Variants in SGCZ observed in about 807,000 individuals in gnomAD.
SGCZ encodes the protein zeta-sarcoglycan.
Under a neutral mutation model 41.3 loss-of-function variants are expected in SGCZ, and 40 were observed. That is an observed-to-expected ratio of 0.97 (90% CI 0.75 to 1.26). The LOEUF is 1.26. Ranked by LOEUF, SGCZ falls within the 50% of genes most tolerant of loss-of-function variation. The probability of loss-of-function intolerance (pLI) is 0.00; values close to 1 mark genes in which losing one functional copy is unlikely to be tolerated. For missense variants in SGCZ, 552 were observed against 369.8 expected (o/e 1.49, Z -4.04); for synonymous variants, 206 against 137.5 (o/e 1.50, Z -3.49).
chr8:14,101,704 C>CTCTT (rs1371962099), intron 7 of SGCZ, among the ~76,000 whole-genome samples: 1 of 150,952 alleles, frequency 6.6e-6, no homozygotes, highest in Non-Finnish European at 1.5e-5. Flanking sequence ...AATAAAGGCA[C>CTCTT]TCTTTCTATG....
chr8:14,391,400 T>G (rs1292407717), intron 2 of SGCZ, among the ~76,000 whole-genome samples: 1 of 152,138 alleles, frequency 6.6e-6, no homozygotes, highest in African/African-American at 2.4e-5. Context: ...TTGTTAAGAC[T>G]TTGGTCTATG....
intron 1 of SGCZ, among the ~76,000 whole-genome samples, chr8:14,574,627 C>A (rs574182523): frequency 1.0e-3 from 155 of 152,236 alleles, no homozygotes; most frequent in Non-Finnish European, 1.7e-3. Context: ...CTTTATTGAA[C>A]CTAAGAATAA....
intron 1 of SGCZ, among the ~76,000 whole-genome samples, chr8:14,749,488 C>T (rs1043344872): frequency 6.6e-6 from 1 of 152,094 alleles, no homozygotes; most frequent in Non-Finnish European, 1.5e-5. Flanking sequence ...TCTAGGATTC[C>T]TGTTAGCAGA....
At chr8:14,897,386 A>C (rs140136699) in intron 1 of SGCZ, among the ~76,000 whole-genome samples, 1 of 152,198 alleles carries the variant, frequency 6.6e-6, no homozygotes, top group African/African-American at 2.4e-5. Context: ...TGAGTATCCC[A>C]CTAGGATGGC....
intron 1 of SGCZ, among the ~76,000 whole-genome samples, chr8:15,141,969 A>T (rs1409916845): frequency 6.6e-6 from 1 of 152,146 alleles, no homozygotes; most frequent in East Asian, 1.9e-4. Context: ...AGGAGCCTGT[A>T]GCAGTGGAAG....
chr8:14,929,756 T>C (rs573056106), intron 1 of SGCZ, among the ~76,000 whole-genome samples: 7 of 152,140 alleles, frequency 4.6e-5, no homozygotes, highest in African/African-American at 1.7e-4. Flanking sequence ...GGGTAATTAA[T>C]GTCTTTATTG....
At chr8:14,747,934 C>G (rs1270018154) in intron 1 of SGCZ, among the ~76,000 whole-genome samples, 1 of 149,856 alleles carries the variant, frequency 6.7e-6, no homozygotes, top group African/African-American at 2.5e-5. Flanking sequence ...CCATGTTGGC[C>G]AGGCTAGTCT....
chr8:14,245,921 G>T (rs920945796), intron 3 of SGCZ, among the ~76,000 whole-genome samples: 28 of 152,266 alleles, frequency 1.8e-4, no homozygotes, highest in African/African-American at 6.5e-4. Context: ...CAGTTAGAAT[G>T]GCAATCATTA....
intron 1 of SGCZ, among the ~76,000 whole-genome samples, chr8:14,927,356 G>A (rs931604503): frequency 3.3e-5 from 5 of 151,858 alleles, no homozygotes; most frequent in Admixed American, 2.6e-4. Context: ...TGATCCGCCC[G>A]CCTCGGCCTC....
chr8:14,939,711 C>A (rs770902189), intron 1 of SGCZ, among the ~76,000 whole-genome samples: 2 of 152,094 alleles, frequency 1.3e-5, no homozygotes, highest in African/African-American at 4.8e-5. Flanking sequence ...TCCACAGATA[C>A]ATTTGATGTG....
chr8:14,316,665 G>A (rs898760559), intron 3 of SGCZ, among the ~76,000 whole-genome samples: 2 of 151,692 alleles, frequency 1.3e-5, no homozygotes, highest in African/African-American at 4.8e-5. Flanking sequence ...CCTCTCACTG[G>A]CCTTTGTGTC....
chr8:14,338,190 C>T (rs1041742835), intron 2 of SGCZ, among the ~76,000 whole-genome samples: 21 of 152,110 alleles, frequency 1.4e-4, no homozygotes, highest in Admixed American at 1.3e-4. Flanking sequence ...TGGAAAAGTG[C>T]AGTCGTCTTA....
chr8:14,450,559 A>T (rs115294654), intron 2 of SGCZ, among the ~76,000 whole-genome samples: 2,069 of 152,298 alleles, frequency 0.014, 44 homozygotes, highest in African/African-American at 0.047. Flanking sequence ...TTTTAGTTAA[A>T]TGTATCATCT....
chr8:14,362,625 G>A (rs1361881880), intron 2 of SGCZ, among the ~76,000 whole-genome samples: 1 of 152,118 alleles, frequency 6.6e-6, no homozygotes, highest in Non-Finnish European at 1.5e-5. Context: ...GTAGGAAAGG[G>A]AAATCCCCAG....
chr8:14,458,837 C>T (rs11203611), intron 2 of SGCZ, among the ~76,000 whole-genome samples: 57,856 of 151,922 alleles, frequency 0.38, 12,162 homozygotes, highest in African/African-American at 0.57. Context: ...CATTCTCCAA[C>T]TCAAAACAAA....
intron 1 of SGCZ, among the ~76,000 whole-genome samples, chr8:14,876,926 T>C (rs1804378759): frequency 6.6e-6 from 1 of 150,736 alleles, no homozygotes; most frequent in Admixed American, 6.6e-5. Context: ...GAGGTTCCAC[T>C]GATGACTCTT....
chr8:14,733,346 T>A (rs1798930196), intron 1 of SGCZ, among the ~76,000 whole-genome samples: 1 of 152,206 alleles, frequency 6.6e-6, no homozygotes, highest in Non-Finnish European at 1.5e-5. Context: ...TATTTCCTTC[T>A]CATTCCCTCT....
intron 1 of SGCZ, among the ~76,000 whole-genome samples, chr8:14,612,663 GTTTT>G (rs537162428): frequency 9.9e-5 from 15 of 151,602 alleles, no homozygotes; most frequent in African/African-American, 3.4e-4. Context: ...AAGGAGTTGT[GTTTT>G]TTTGTTTTTT....
At chr8:14,661,021 A>G (rs1035601909) in intron 1 of SGCZ, among the ~76,000 whole-genome samples, 1 of 152,166 alleles carries the variant, frequency 6.6e-6, no homozygotes, top group African/African-American at 2.4e-5. Flanking sequence ...CAGCAGCTAT[A>G]TTTAGAGGGT....
Sources: allele counts gnomAD v4.1 joint callset (sites outside exome capture counted in the v4.1 genomes callset), GRCh38; gene constraint gnomAD v4.1.1; transcripts MANE v1.5; gene names NCBI Gene and HGNC (gene_info 2026-07-23, HGNC 2026-07-21).